Variants in IQSEC1 observed in about 807,000 individuals in gnomAD.
The protein encoded by IQSEC1 is IQ motif and Sec7 domain ArfGEF 1.
Under a neutral mutation model 91.0 loss-of-function variants are expected in IQSEC1, and 31 were observed. The ratio of observed to expected loss-of-function variants is 0.34; its 90% CI spans 0.26 to 0.46. The LOEUF (loss-of-function observed/expected upper bound fraction) is 0.46. Ranked by LOEUF, IQSEC1 falls within the 20% of genes least tolerant of loss-of-function variation. The pLI, the probability that IQSEC1 is intolerant of heterozygous loss-of-function variation, is 1.00. For missense variants in IQSEC1, 1,388 were observed against 1,575.6 expected (o/e 0.88, Z 2.02); for synonymous variants, 699 against 662.6 (o/e 1.05, Z -0.84).
At chr3:12,977,196 A>G (rs1260538545) in intron 1 of IQSEC1, among the ~76,000 whole-genome samples, 1 of 152,052 alleles carries the variant, frequency 6.6e-6, no homozygotes. Flanking sequence ...AAAATATAAA[A>G]AATTAGCCGG....
chr3:13,002,826 T>TA (rs1702478010), intron 1 of IQSEC1, among the ~76,000 whole-genome samples: 2 of 152,034 alleles, frequency 1.3e-5, no homozygotes, highest in South Asian at 4.2e-4. Flanking sequence ...AGCCAGACAA[T>TA]AACAAATGTG....
intron 1 of IQSEC1, among the ~76,000 whole-genome samples, chr3:13,209,557 C>G (rs115892900): frequency 1.3e-3 from 205 of 152,290 alleles, no homozygotes; most frequent in African/African-American, 4.7e-3. Context: ...CAGCCCAGCA[C>G]CCCCATGCCC....
At chr3:13,275,762 T>C (rs1695666807) in intron 1 of IQSEC1, among the ~76,000 whole-genome samples, 1 of 152,262 alleles carries the variant, frequency 6.6e-6, no homozygotes, top group Non-Finnish European at 1.5e-5. Flanking sequence ...TGTTTCCAAG[T>C]GGAGGCAGTG....
At chr3:13,166,686 G>A (rs1037522065) in intron 1 of IQSEC1, among the ~76,000 whole-genome samples, 1 of 152,262 alleles carries the variant, frequency 6.6e-6, no homozygotes, top group Non-Finnish European at 1.5e-5. Context: ...CCGAGGTGTG[G>A]TTTGAGGATG....
At chr3:12,932,728 G>A (rs1321632629) in intron 3 of IQSEC1, among the ~76,000 whole-genome samples, 1 of 152,174 alleles carries the variant, frequency 6.6e-6, no homozygotes, top group Non-Finnish European at 1.5e-5. Flanking sequence ...AGTTGCCCCA[G>A]GTCCCACAGC....
chr3:12,902,327 G>A (rs971278002), intron 13 of IQSEC1, among the ~76,000 whole-genome samples: 3 of 152,098 alleles, frequency 2.0e-5, no homozygotes, highest in African/African-American at 7.2e-5. Context: ...AAGCGATGAG[G>A]ATGGGCGGGC....
At chr3:13,205,339 G>T (rs1384768313) in intron 1 of IQSEC1, among the ~76,000 whole-genome samples, 1 of 152,026 alleles carries the variant, frequency 6.6e-6, no homozygotes, top group African/African-American at 2.4e-5. Flanking sequence ...GCCCAGCTCA[G>T]AAGCACCAGA....
intron 1 of IQSEC1, among the ~76,000 whole-genome samples, chr3:13,223,006 A>T (rs1262125873): frequency 6.6e-6 from 1 of 152,190 alleles, no homozygotes; most frequent in Non-Finnish European, 1.5e-5. Flanking sequence ...GATGGGAAAT[A>T]ACAAAAAGGG....
chr3:13,005,252 G>A (rs1054164360), intron 1 of IQSEC1, among the ~76,000 whole-genome samples: 2 of 152,188 alleles, frequency 1.3e-5, no homozygotes, highest in Admixed American at 6.5e-5. Context: ...TGCAAATGGA[G>A]TTCCCATACT....
intron 1 of IQSEC1, among the ~76,000 whole-genome samples, chr3:13,257,472 C>T (rs1204505845): frequency 7.4e-6 from 1 of 135,680 alleles, no homozygotes; most frequent in Non-Finnish European, 1.5e-5. Flanking sequence ...ACATCAGCAT[C>T]ACCCCCAACC....
intron 1 of IQSEC1, among the ~76,000 whole-genome samples, chr3:13,062,643 A>G (rs1200981318): frequency 6.6e-6 from 1 of 152,148 alleles, no homozygotes; most frequent in Non-Finnish European, 1.5e-5. Flanking sequence ...TGGCCAGGGG[A>G]CAGACACCCG....
rs1422032320 is a variant in IQSEC1 at position 12,992,768 on chromosome 3, G to GAT, written c.24-50904_24-50903insAT. Reference sequence around the variant, plus strand: ...CTCCTGGACAAGGCCAGGGGGAGGGGACACCCACTGTCACCTTTCTGCTCC... The same window carrying GAT: ...CTCCTGGACAAGGCCAGGGGGAGGGGATACACCCACTGTCACCTTTCTGCTCC... On this transcript the variant is annotated intron_variant, in intron 1 of 13. Transcript: ENST00000613206. The surrounding 1 kb of genome is among the most constrained non-coding windows in gnomAD (Gnocchi z 4.1). 6.6e-6 allele frequency among the ~76,000 whole-genome samples: 1 copy of GAT among 152,238 alleles called. No individual in the cohort carries two copies. Among genetic ancestry groups the GAT allele is most frequent in the Non-Finnish European group, 1.5e-5 (1 of 68,038 alleles).
chr3:13,268,496 T>C (rs1235285501), intron 1 of IQSEC1, among the ~76,000 whole-genome samples: 1 of 152,174 alleles, frequency 6.6e-6, no homozygotes, highest in Non-Finnish European at 1.5e-5. Flanking sequence ...GCCACTAGAC[T>C]TTCTGATGAG....
At chr3:13,175,829 C>G (rs886242643) in intron 1 of IQSEC1, among the ~76,000 whole-genome samples, 4 of 152,240 alleles carry the variant, frequency 2.6e-5, no homozygotes, top group African/African-American at 9.6e-5. Flanking sequence ...AAACAGGAGG[C>G]TGGCTCACCT....
chr3:13,184,676 C>T (rs977650206), intron 1 of IQSEC1, among the ~76,000 whole-genome samples: 1 of 152,194 alleles, frequency 6.6e-6, no homozygotes, highest in African/African-American at 2.4e-5. Context: ...GCACAAGCGA[C>T]AGGATTCTCT....
chr3:12,922,524 T>A lies in IQSEC1; in HGVS notation c.1731-282A>T, dbSNP rs901462059. ...GGGGCAGAGCATATGGTTATCTGGA[T>A]CAAAGCCCTTCCCAAGAGACAAGCA... On this transcript the variant is annotated intron_variant, in intron 4 of 13. Coordinates refer to ENST00000613206, the MANE Select transcript of IQSEC1 (RefSeq NM_001134382.3). The surrounding 1 kb of genome is among the most constrained non-coding windows in gnomAD (Gnocchi z 5.1). Among the ~76,000 whole-genome samples the A allele has an allele frequency of 4.6e-5, 7 of 152,216 alleles. No individual in the cohort carries two copies. In the South Asian group the frequency reaches 8.3e-4, roughly 18 times the overall value.
intron 1 of IQSEC1, among the ~76,000 whole-genome samples, chr3:12,999,734 C>T (rs887523403): frequency 4.6e-5 from 7 of 152,208 alleles, no homozygotes; most frequent in African/African-American, 7.2e-5. Flanking sequence ...TCGGTCATTA[C>T]CCAGAACCTT....
rs1015618802 is a variant in IQSEC1 at position 12,898,236 on chromosome 3, C to A, written c.*2747G>T. On this transcript the variant is annotated 3_prime_UTR_variant, in exon 14 of 14. Coordinates refer to ENST00000613206, the MANE Select transcript of IQSEC1 (RefSeq NM_001134382.3). Reference sequence around the variant, plus strand: ...CAGTCCCATGAAAGACACACGGGGACACCAGCTCACTGGGAGCTTTTGCTT... The same window carrying A: ...CAGTCCCATGAAAGACACACGGGGAAACCAGCTCACTGGGAGCTTTTGCTT... The A allele has an allele frequency of 6.6e-6, 1 of 152,268 alleles. No homozygotes were observed. Among genetic ancestry groups the A allele is most frequent in the Non-Finnish European group, 1.5e-5 (1 of 68,058 alleles). The allele number at this position is 152,268 out of a possible 1,614,324, so 9.4% of individuals were successfully genotyped here.
At chr3:13,021,313 T>C (rs1012177199) in intron 1 of IQSEC1, among the ~76,000 whole-genome samples, 2 of 152,154 alleles carry the variant, frequency 1.3e-5, no homozygotes, top group Non-Finnish European at 2.9e-5. Flanking sequence ...GGAGCTCTGC[T>C]CCACCCTTTC....
Sources: gnomAD v4.1 joint callset for allele counts (sites outside exome capture counted in the v4.1 genomes callset) on GRCh38, gnomAD v4.1.1 for gene constraint, Gnocchi (gnomAD v3.1) non-coding constraint, MANE v1.5 for transcripts, NCBI Gene and HGNC (gene_info 2026-07-23, HGNC 2026-07-21) for gene names.